TUBA1C: variants seen among roughly 807,000 people sequenced by gnomAD.
The protein encoded by TUBA1C is tubulin alpha 1c, also known as tubulin alpha-1C chain.
A neutral mutation model predicts 34.9 loss-of-function variants in TUBA1C; 16 were observed. The ratio of observed to expected loss-of-function variants is 0.46; its 90% confidence interval spans 0.31 to 0.70. The LOEUF (loss-of-function observed/expected upper bound fraction) is 0.70. Ranked by LOEUF, TUBA1C falls within the 30% of genes least tolerant of loss-of-function variation. The pLI is 0.05. For synonymous variants in TUBA1C, 177 were observed against 215.9 expected (o/e 0.82, Z 1.58); for missense variants, 329 against 587.3 (o/e 0.56, Z 4.55).
chr12:49,240,042 A>G (rs1476532253), intron 1 of TUBA1C, among the ~76,000 whole-genome samples: 2 of 132,154 alleles, frequency 1.5e-5, no homozygotes, highest in African/African-American at 6.0e-5. Flanking sequence ...ACAGACACAC[A>G]CACACACACA....
In TUBA1C at chr12:49,272,503, T is replaced by C. The variant is rs1285615323; in HGVS notation, c.626T>C (p.Ile209Thr). 11 of 1,609,712 alleles carry C rather than the reference T, an allele frequency of 6.8e-6. No individual in the cohort carries two copies. The highest frequency in any genetic ancestry group is 9.3e-6 in the Non-Finnish European group (11 of 1,178,174). The change falls in exon 4 of 4, where the codon ATC (isoleucine) becomes ACC (threonine). Residue 209 changes from isoleucine to threonine, a missense_variant. This residue lies in a region of TUBA1C where 140 missense variants were observed against 289.8 expected (regional missense o/e 0.48). Transcript: ENST00000301072. Reference sequence around the variant, plus strand: ...GCCTTCATGGTAGACAATGAGGCCATCTATGACATCTGTCGTAGAAACCTC... The same window carrying C: ...GCCTTCATGGTAGACAATGAGGCCACCTATGACATCTGTCGTAGAAACCTC... ...DCAFMVDNEA[I>T]YDICRRNLDI...
At chr12:49,229,833 C>A (rs887488998) in intron 1 of TUBA1C, among the ~76,000 whole-genome samples, 10 of 152,098 alleles carry the variant, frequency 6.6e-5, no homozygotes, top group African/African-American at 2.4e-4. Flanking sequence ...TGCTCTGTCG[C>A]CCAGGCTGCA....
At chr12:49,241,244 G>A (rs542162359) in intron 1 of TUBA1C, among the ~76,000 whole-genome samples, 1 of 152,166 alleles carries the variant, frequency 6.6e-6, no homozygotes, top group Non-Finnish European at 1.5e-5. Flanking sequence ...TGATTTATCT[G>A]TGTCTTCCAT....
At chr12:49,271,250 T>A (rs1441388058) in intron 3 of TUBA1C, among the ~76,000 whole-genome samples, 1 of 152,180 alleles carries the variant, frequency 6.6e-6, no homozygotes, top group Non-Finnish European at 1.5e-5. Flanking sequence ...GAGTAGAGAA[T>A]GTTCACAAAT....
chr12:49,238,592 C>T (rs1592273806), intron 1 of TUBA1C, among the ~76,000 whole-genome samples: 1 of 152,114 alleles, frequency 6.6e-6, no homozygotes, highest in African/African-American at 2.4e-5. Context: ...GCTAGAATGG[C>T]TCACACAACT....
chr12:49,270,023 G>A, intron 3 of TUBA1C, 47 bp downstream of exon 3: 1 of 1,614,218 alleles, frequency 6.2e-7, no homozygotes, highest in Non-Finnish European at 8.5e-7. Flanking sequence ...TTCTTTTGCA[G>A]TTCTGAGACC....
At chr12:49,228,908 C>A (rs1343479083) in intron 1 of TUBA1C, among the ~76,000 whole-genome samples, 3 of 152,190 alleles carry the variant, frequency 2.0e-5, no homozygotes, top group African/African-American at 7.2e-5. Flanking sequence ...GAAACTAAGG[C>A]TTTGAGAAAC....
intron 1 of TUBA1C, among the ~76,000 whole-genome samples, chr12:49,268,685 G>T (rs185527945): frequency 6.6e-6 from 1 of 152,258 alleles, no homozygotes; most frequent in East Asian, 1.9e-4. Flanking sequence ...AGCTGCCTCT[G>T]ACCACAGTTT....
intron 3 of TUBA1C, 25 bp downstream of exon 3, chr12:49,270,001 T>G: frequency 6.2e-7 from 1 of 1,614,194 alleles, no homozygotes; most frequent in South Asian, 1.1e-5. Flanking sequence ...TTAAATAAAG[T>G]GGGATGAGAG....
intron 1 of TUBA1C, among the ~76,000 whole-genome samples, chr12:49,235,111 C>A (rs533168048): frequency 3.5e-5 from 5 of 141,032 alleles, no homozygotes; most frequent in Non-Finnish European, 6.0e-5. Context: ...CGACTGCGCC[C>A]GGCCAAAAAA....
upstream of TUBA1C, among the ~76,000 whole-genome samples, chr12:49,262,504 G>A (rs1942851505): frequency 6.6e-6 from 1 of 151,658 alleles, no homozygotes; most frequent in Admixed American, 6.6e-5. Flanking sequence ...CATAGTCTGG[G>A]CAAACTGGCT....
upstream of TUBA1C, among the ~76,000 whole-genome samples, chr12:49,261,843 G>T (rs1942843377): frequency 6.6e-6 from 1 of 152,176 alleles, no homozygotes; most frequent in African/African-American, 2.4e-5. Flanking sequence ...GCTGCAGTAG[G>T]TATGCAACGC....
Position 49,228,301 on chromosome 12 carries a change from G to A in TUBA1C, c.213+135G>A. 11 of 819,940 alleles carry A rather than the reference G, an allele frequency of 1.3e-5. No homozygotes were observed. The South Asian group carries it at 2.1e-4, about 16-fold the overall frequency. The allele number at this position is 819,940 out of a possible 1,614,324, so 50.8% of individuals were successfully genotyped here. ...ATGTTTAATTATATTGGTGGCATTA[G>A]TGTTTATCTTATTATTTCTGCAATC... is the stretch of plus-strand genomic sequence containing the variant. On this transcript the variant is annotated intron_variant, in intron 1 of 3. Transcript: ENST00000541364.
intron 1 of TUBA1C, among the ~76,000 whole-genome samples, chr12:49,249,660 G>A (rs944950122): frequency 1.3e-5 from 2 of 151,994 alleles, no homozygotes; most frequent in African/African-American, 2.4e-5. Context: ...AGGAGTTGGA[G>A]ACCAGCCTAG....
At chr12:49,267,626 C>T (rs11612509) in intron 1 of TUBA1C, among the ~76,000 whole-genome samples, 14 of 152,116 alleles carry the variant, frequency 9.2e-5, no homozygotes, top group Non-Finnish European at 1.8e-4. Flanking sequence ...GGCGACAGAG[C>T]GAGACTTTTT....
At chr12:49,253,188 G>C (rs1458677752) in intron 1 of TUBA1C, among the ~76,000 whole-genome samples, 1 of 151,938 alleles carries the variant, frequency 6.6e-6, no homozygotes, top group Non-Finnish European at 1.5e-5. Context: ...CTGGAGGTTA[G>C]TAGTCATGAA....
intron 1 of TUBA1C, among the ~76,000 whole-genome samples, chr12:49,237,937 C>T (rs1358568949): frequency 6.6e-6 from 1 of 151,702 alleles, no homozygotes; most frequent in Non-Finnish European, 1.5e-5. Context: ...TGGGAAAACT[C>T]GTCTCTACTA....
upstream of TUBA1C, among the ~76,000 whole-genome samples, chr12:49,263,042 T>C (rs1397663772): frequency 6.6e-6 from 1 of 150,722 alleles, no homozygotes; most frequent in Non-Finnish European, 1.5e-5. Flanking sequence ...TTTTTTTTTT[T>C]TCTGAGACAG....
chr12:49,238,832 C>G (rs1041693298), intron 1 of TUBA1C, among the ~76,000 whole-genome samples: 1 of 151,950 alleles, frequency 6.6e-6, no homozygotes, highest in East Asian at 1.9e-4. Context: ...GGGCGAGGTA[C>G]GGAGGAAGGG....
Sources: allele counts gnomAD v4.1 joint callset (sites outside exome capture counted in the v4.1 genomes callset), GRCh38; gene constraint gnomAD v4.1.1; regional missense constraint gnomAD v4.1.1; transcripts MANE v1.5; gene names NCBI Gene and HGNC (gene_info 2026-07-23, HGNC 2026-07-21).